SCN10A: variants seen among roughly 807,000 people sequenced by gnomAD.
The protein encoded by SCN10A is sodium voltage-gated channel alpha subunit 10.
Under a neutral mutation model 170.7 loss-of-function variants are expected in SCN10A, and 162 were observed. The ratio of observed to expected loss-of-function variants is 0.95; its 90% CI spans 0.84 to 1.08. The LOEUF is 1.08. Among genes scored for constraint, SCN10A ranks in the 50% least tolerant of loss-of-function variants. The pLI, the probability that SCN10A is intolerant of heterozygous loss-of-function variation, is 0.00. For synonymous variants in SCN10A, 985 were observed against 904.6 expected, an observed-to-expected ratio of 1.09 and a Z score of -1.59; for missense variants, 2,527 against 2,436.9, an observed-to-expected ratio of 1.04 and a Z score of -0.78.
Position 38,756,368 on chromosome 3 carries a change from T to G in SCN10A, c.1290+306A>C, listed in dbSNP as rs531141746. The stretch of plus-strand genomic sequence containing the variant: ...CTGTGGTACAGGTCATGCCCCAGAG[T>G]TCCCCATGGGATCAAGCTGAAGCTG... On this transcript the variant is annotated intron_variant, in intron 10 of 27. Transcript: ENST00000449082. Among the ~76,000 whole-genome samples the G allele has an allele frequency of 2.7e-4, 41 of 151,934 alleles. No individual in the cohort carries two copies. In the South Asian group the frequency reaches 8.3e-3, roughly 31 times the overall value.
chr3:38,795,642 C>G (rs1271754169), intron 1 of SCN10A, among the ~76,000 whole-genome samples: 1 of 152,026 alleles, frequency 6.6e-6, no homozygotes, highest in African/African-American at 2.4e-5. Context: ...CCATGACACT[C>G]TCTTGGTTTT....
At chr3:38,759,860 C>T (rs1190674281) in intron 8 of SCN10A, among the ~76,000 whole-genome samples, 1 of 152,164 alleles carries the variant, frequency 6.6e-6, no homozygotes, top group Non-Finnish European at 1.5e-5. Flanking sequence ...CTGGCCCACT[C>T]CACTCATTTG....
chr3:38,815,834 G>A (rs1038022338), intron 1 of SCN10A, among the ~76,000 whole-genome samples: 4 of 152,230 alleles, frequency 2.6e-5, no homozygotes, highest in African/African-American at 9.6e-5. Flanking sequence ...CAGAGGAAGA[G>A]ATGCAGTGGG....
chr3:38,725,517 A>G (rs955173174), intron 17 of SCN10A, among the ~76,000 whole-genome samples: 1 of 152,278 alleles, frequency 6.6e-6, no homozygotes, highest in Non-Finnish European at 1.5e-5. Flanking sequence ...CTTGGGCTCC[A>G]TTAATTATAA....
chr3:38,730,127 C>G (rs919043254), intron 15 of SCN10A, among the ~76,000 whole-genome samples: 2 of 152,140 alleles, frequency 1.3e-5, no homozygotes, highest in Admixed American at 6.6e-5. Flanking sequence ...GTAAGCCTAG[C>G]AGGAATTTCT....
intron 12 of SCN10A, among the ~76,000 whole-genome samples, chr3:38,751,664 A>G (rs901140592): frequency 6.6e-6 from 1 of 152,244 alleles, no homozygotes; most frequent in Non-Finnish European, 1.5e-5. Flanking sequence ...ACTTGCCATT[A>G]CACTCTGCGA....
chr3:38,741,754 C>G (rs2063634815), intron 14 of SCN10A, among the ~76,000 whole-genome samples: 1 of 152,184 alleles, frequency 6.6e-6, no homozygotes, highest in African/African-American at 2.4e-5. Flanking sequence ...CTTCCTGATG[C>G]TTTTGTTACA....
chr3:38,775,240 C>A (rs549229157), intron 4 of SCN10A, among the ~76,000 whole-genome samples: 1 of 152,184 alleles, frequency 6.6e-6, no homozygotes, highest in African/African-American at 2.4e-5. Flanking sequence ...TAAATAATAA[C>A]TCCCCATTCC....
intron 14 of SCN10A, 147 bp from the exon 15 acceptor site, chr3:38,739,835 T>G: frequency 7.6e-6 from 5 of 657,508 alleles, no homozygotes. Context: ...CTCCTGAGGA[T>G]TGGCCAGGGT....
At chr3:38,756,377 G>C (rs937973428) in intron 10 of SCN10A, among the ~76,000 whole-genome samples, 1 of 151,912 alleles carries the variant, frequency 6.6e-6, no homozygotes, top group Non-Finnish European at 1.5e-5. Context: ...GTTCCCCATG[G>C]GATCAAGCTG....
At chr3:38,815,445 A>T (rs568734117) in intron 1 of SCN10A, among the ~76,000 whole-genome samples, 1 of 152,314 alleles carries the variant, frequency 6.6e-6, no homozygotes, top group Admixed American at 6.5e-5. Context: ...GTTTCTAAAA[A>T]GTTCTCCACT....
At chr3:38,742,265 A>G in intron 14 of SCN10A, 26 bp downstream of exon 14, 1 of 1,454,450 alleles carries the variant, frequency 6.9e-7, no homozygotes, top group Non-Finnish European at 9.6e-7. Flanking sequence ...CACGCCAGTG[A>G]GGGCAGTACC....
chr3:38,713,204 G>C (rs1204815176), intron 22 of SCN10A, among the ~76,000 whole-genome samples: 1 of 152,186 alleles, frequency 6.6e-6, no homozygotes, highest in African/African-American at 2.4e-5. Flanking sequence ...ATAAGGAAAG[G>C]GGTGGATGGA....
chr3:38,777,693 T>C (rs1203449047), intron 4 of SCN10A, among the ~76,000 whole-genome samples: 2 of 152,072 alleles, frequency 1.3e-5, no homozygotes, highest in African/African-American at 4.8e-5. Context: ...GGTCAAATCT[T>C]ACTATAGAGC....
At chr3:38,803,549 G>T (rs1303962809) in intron 1 of SCN10A, among the ~76,000 whole-genome samples, 1 of 150,176 alleles carries the variant, frequency 6.7e-6, no homozygotes, top group African/African-American at 2.5e-5. Context: ...CTATCGCAAG[G>T]ACAAAAAACC....
At chr3:38,746,207 G>A (rs1281158368) in intron 13 of SCN10A, among the ~76,000 whole-genome samples, 1 of 149,934 alleles carries the variant, frequency 6.7e-6, no homozygotes, top group Admixed American at 6.7e-5. Context: ...ATATATCCCA[G>A]ACTCAACTCA....
intron 15 of SCN10A, among the ~76,000 whole-genome samples, chr3:38,730,189 AC>A (rs2063500537): frequency 6.6e-6 from 1 of 152,228 alleles, no homozygotes; most frequent in Non-Finnish European, 1.5e-5. Context: ...GTAAGGATGA[AC>A]CACAAACAAT....
At chr3:38,713,006 G>C (rs2063292190) in intron 22 of SCN10A, among the ~76,000 whole-genome samples, 1 of 152,182 alleles carries the variant, frequency 6.6e-6, no homozygotes, top group South Asian at 2.1e-4. Flanking sequence ...TTTTGTTTTT[G>C]AAGCTATGAT....
chr3:38,726,520 C>T, intron 17 of SCN10A, 86 bp downstream of exon 17: 2 of 1,111,642 alleles, frequency 1.8e-6, no homozygotes, highest in South Asian at 1.8e-5. Flanking sequence ...TCAAGGTCTC[C>T]TCTGCATTTC....
Sources: allele counts gnomAD v4.1 joint callset (sites outside exome capture counted in the v4.1 genomes callset), GRCh38; gene constraint gnomAD v4.1.1; transcripts MANE v1.5; gene names NCBI Gene and HGNC (gene_info 2026-07-23, HGNC 2026-07-21).